HPCAL1: variants seen among roughly 807,000 people sequenced by gnomAD.
The protein encoded by HPCAL1 is hippocalcin-like protein 1.
In HPCAL1, 8 loss-of-function variants were observed where a neutral mutation model predicts 17.1. The observed-to-expected ratio is 0.47, with a 90% CI of 0.27 to 0.84. The LOEUF (loss-of-function observed/expected upper bound fraction) is 0.84, where lower values mean the gene tolerates loss of function less well. HPCAL1 is among the 40% of genes least tolerant of loss of function. The probability of loss-of-function intolerance (pLI) is 0.13; values close to 1 mark genes in which losing one functional copy is unlikely to be tolerated. For missense variants in HPCAL1, 165 were observed against 271.1 expected (o/e 0.61, Z 2.75); for synonymous variants, 112 against 111.4 (o/e 1.01, Z -0.03).
At chr2:10,378,479 C>T (rs763249427) in intron 1 of HPCAL1, among the ~76,000 whole-genome samples, 14 of 152,182 alleles carry the variant, frequency 9.2e-5, no homozygotes, top group Admixed American at 2.6e-4. Context: ...TCAGGGCGTC[C>T]GCATTGTCAG....
chr2:10,385,678 T>C (rs953795657), intron 1 of HPCAL1, among the ~76,000 whole-genome samples: 2 of 152,164 alleles, frequency 1.3e-5, no homozygotes, highest in African/African-American at 4.8e-5. Context: ...GCCTTTTGGA[T>C]GTTTGTGGCG....
chr2:10,323,212 T>C lies in HPCAL1; in HGVS notation c.-111+20035T>C, dbSNP rs962104338. On this transcript the variant is annotated intron_variant, in intron 1 of 4. Transcript: ENST00000307845. The surrounding 1 kb of genome is among the most constrained non-coding windows in gnomAD (Gnocchi z 4.6). ...CCCACGGAGTCCCAGCGTGTATGCA[T>C]GGGGTCACGGTGCTCCACGCTCTCA... Among the ~76,000 whole-genome samples the C allele has an allele frequency of 2.0e-5, 3 of 152,180 alleles. No homozygotes were observed. Among genetic ancestry groups the C allele is most frequent in the East Asian group, 1.9e-4 (1 of 5,190 alleles).
intron 1 of HPCAL1, among the ~76,000 whole-genome samples, chr2:10,364,725 A>G (rs1410979882): frequency 6.6e-6 from 1 of 151,870 alleles, no homozygotes; most frequent in African/African-American, 2.4e-5. Flanking sequence ...AGCTGGGACT[A>G]CAGGTGCATG....
At chr2:10,371,857 G>C (rs772280510) in intron 1 of HPCAL1, among the ~76,000 whole-genome samples, 1 of 152,156 alleles carries the variant, frequency 6.6e-6, no homozygotes, top group Non-Finnish European at 1.5e-5. Flanking sequence ...GGCTTTGTCC[G>C]GGGGGTTTTC....
At chr2:10,421,143 C>T (rs996997585) in intron 3 of HPCAL1, among the ~76,000 whole-genome samples, 1 of 152,240 alleles carries the variant, frequency 6.6e-6, no homozygotes. Context: ...GAGAACTCAA[C>T]AGATAGCTTG....
At chr2:10,337,753 C>T (rs898472155) in intron 1 of HPCAL1, among the ~76,000 whole-genome samples, 2 of 152,210 alleles carry the variant, frequency 1.3e-5, no homozygotes, top group African/African-American at 4.8e-5. Context: ...CCCCTTCCTT[C>T]CCACCTTCCC....
intron 2 of HPCAL1, chr2:10,406,155 AAG>A (rs1669957530): frequency 1.3e-5 from 2 of 152,184 alleles, no homozygotes; most frequent in African/African-American, 4.8e-5. Flanking sequence ...CTGAAACTGG[AAG>A]AGTCTTTTGT....
chr2:10,419,816 C>T lies in HPCAL1; in HGVS notation c.59C>T (p.Thr20Met). 6.2e-7 allele frequency: 1 copy of T among 1,613,670 alleles called. No individual in the cohort carries two copies. Among genetic ancestry groups the T allele is most frequent in the Non-Finnish European group, 8.5e-7 (1 of 1,179,976 alleles). The change falls in exon 3 of 5, where the codon ACG (threonine) becomes ATG (methionine). Residue 20 changes from threonine (T) to methionine (M), a missense_variant. Transcript: ENST00000307845. The surrounding 1 kb of genome is among the most constrained non-coding windows in gnomAD (Gnocchi z 5.0). Reference protein sequence around the residue: ...PEVLQDLRENTEFTDHELQEW... With the variant: ...PEVLQDLRENMEFTDHELQEW... ...GTGCTGCAGGACCTGCGGGAGAACA[C>T]GGAGTTCACCGACCACGAGCTGCAG...
intron 1 of HPCAL1, among the ~76,000 whole-genome samples, chr2:10,322,664 G>A (rs921562347): frequency 6.6e-6 from 1 of 152,222 alleles, no homozygotes; most frequent in Non-Finnish European, 1.5e-5. Context: ...GAAAGCAGAT[G>A]TGATTCCTGG....
At chr2:10,317,313 C>G (rs764793997) in intron 1 of HPCAL1, among the ~76,000 whole-genome samples, 2 of 152,158 alleles carry the variant, frequency 1.3e-5, no homozygotes, top group Admixed American at 6.5e-5. Flanking sequence ...TGCATCAAGA[C>G]CCCCTATCCA....
At chr2:10,415,088 T>C (rs3821199) in intron 2 of HPCAL1, among the ~76,000 whole-genome samples, 33,057 of 152,032 alleles carry the variant, frequency 0.22, 3,687 homozygotes, top group Middle Eastern at 0.27. Context: ...GGTTTGGGGG[T>C]GCCCCAGCTT....
At chr2:10,312,326 ATCATCATCATCATCATAT>A (rs1558448970) in intron 1 of HPCAL1, among the ~76,000 whole-genome samples, 1 of 136,622 alleles carries the variant, frequency 7.3e-6, no homozygotes, top group African/African-American at 2.8e-5. Flanking sequence ...TCATCATATC[ATCATCATCATCATCATAT>A]CATCCTCATC....
intron 1 of HPCAL1, among the ~76,000 whole-genome samples, chr2:10,321,207 T>C (rs1050343741): frequency 6.6e-6 from 1 of 151,990 alleles, no homozygotes; most frequent in African/African-American, 2.4e-5. Context: ...GAGAGAAAAA[T>C]GCAAGGTGCC....
At chr2:10,355,092 C>G (rs1392180779) in intron 1 of HPCAL1, among the ~76,000 whole-genome samples, 1 of 152,162 alleles carries the variant, frequency 6.6e-6, no homozygotes. Context: ...GTAGGATCCT[C>G]CTGGGGCTAG....
At chr2:10,388,384 G>A (rs886347963) in intron 1 of HPCAL1, among the ~76,000 whole-genome samples, 3 of 152,206 alleles carry the variant, frequency 2.0e-5, no homozygotes, top group African/African-American at 4.8e-5. Flanking sequence ...ACTGGGCTCG[G>A]GAGGTTCCAG....
At chr2:10,337,241 G>T (rs750206345) in intron 1 of HPCAL1, among the ~76,000 whole-genome samples, 3 of 152,190 alleles carry the variant, frequency 2.0e-5, no homozygotes, top group Non-Finnish European at 4.4e-5. Flanking sequence ...CTCACCACGT[G>T]CTGTGATGAG....
intron 1 of HPCAL1, among the ~76,000 whole-genome samples, chr2:10,307,882 G>C (rs1662723268): frequency 6.6e-6 from 1 of 152,160 alleles, no homozygotes; most frequent in African/African-American, 2.4e-5. Context: ...ACTGTCTTCT[G>C]CCTCCCCAAC....
Position 10,302,992 on chromosome 2 carries a change from T to C in HPCAL1, c.-296T>C, listed in dbSNP as rs1662364532. 6.6e-6 allele frequency: 1 copy of C among 151,754 alleles called. No individual in the cohort carries two copies. Among genetic ancestry groups the C allele is most frequent in the Admixed American group, 6.6e-5 (1 of 15,232 alleles). 9.4% of individuals were successfully genotyped at this position (151,754 alleles called of 1,614,324 possible). ...CTCCCTGGCTGCCGGCTTCCTTTTGTCTTTCTGGGCGGCGATGAGCGCAGG... is the reference window on the plus strand; with the variant it reads ...CTCCCTGGCTGCCGGCTTCCTTTTGCCTTTCTGGGCGGCGATGAGCGCAGG... On this transcript the variant is annotated 5_prime_UTR_variant, in exon 1 of 5. Coordinates refer to ENST00000307845, the MANE Select transcript of HPCAL1 (RefSeq NM_002149.4).
intron 1 of HPCAL1, among the ~76,000 whole-genome samples, chr2:10,341,751 G>A (rs1277320811): frequency 1.3e-5 from 2 of 152,170 alleles, no homozygotes; most frequent in South Asian, 2.1e-4. Context: ...TGGGTCCAAC[G>A]CTTCCCAAGA....
Sources: allele counts gnomAD v4.1 joint callset (sites outside exome capture counted in the v4.1 genomes callset), GRCh38; gene constraint gnomAD v4.1.1; non-coding constraint Gnocchi (gnomAD v3.1); transcripts MANE v1.5; gene names NCBI Gene and HGNC (gene_info 2026-07-23, HGNC 2026-07-21).